The following NOS1AP variants were observed in gnomAD, a reference collection of about 807,000 sequenced individuals.
NOS1AP encodes the protein carboxyl-terminal PDZ ligand of neuronal nitric oxide synthase protein.
NOS1AP carries 21 observed loss-of-function variants against 56.2 expected under a neutral mutation model. The observed-to-expected ratio is 0.37, with a 90% confidence interval of 0.26 to 0.54. The LOEUF is 0.54. Among genes scored for constraint, NOS1AP ranks in the 20% least tolerant of loss-of-function variants. The probability of loss-of-function intolerance (pLI) is 0.84; values close to 1 mark genes in which losing one functional copy is unlikely to be tolerated. For missense variants in NOS1AP, 522 were observed against 657.8 expected, an observed-to-expected ratio of 0.79 and a Z score of 2.26; for synonymous variants, 270 against 274.6, an observed-to-expected ratio of 0.98 and a Z score of 0.17.
chr1:162,136,665 A>C (rs1018690121), intron 1 of NOS1AP, among the ~76,000 whole-genome samples: 13 of 152,122 alleles, frequency 8.5e-5, no homozygotes, highest in Non-Finnish European at 1.6e-4. Context: ...GGTACTCTCT[A>C]CCTTTCATGA....
chr1:162,271,873 T>C (rs1285041579), intron 2 of NOS1AP, among the ~76,000 whole-genome samples: 5 of 152,186 alleles, frequency 3.3e-5, no homozygotes, highest in African/African-American at 1.2e-4. Context: ...TGCTGTGTGC[T>C]TCCCTTAGTC....
intron 1 of NOS1AP, among the ~76,000 whole-genome samples, chr1:162,144,498 T>C (rs1649371004): frequency 6.6e-6 from 1 of 152,254 alleles, no homozygotes. Flanking sequence ...GTTTACCTGA[T>C]ACAGGTGATG....
chr1:162,235,890 A>G (rs138036103), intron 2 of NOS1AP, among the ~76,000 whole-genome samples: 21 of 152,338 alleles, frequency 1.4e-4, no homozygotes, highest in African/African-American at 4.8e-4. Context: ...GGATAAATCA[A>G]AGAAATATAG....
chr1:162,335,137 A>AT (rs1228894791), intron 5 of NOS1AP, among the ~76,000 whole-genome samples: 1 of 152,064 alleles, frequency 6.6e-6, no homozygotes. Context: ...TATCATGTCA[A>AT]TTTTTTTTCC....
At chr1:162,318,406 C>T (rs1571214929) in intron 4 of NOS1AP, among the ~76,000 whole-genome samples, 1 of 152,160 alleles carries the variant, frequency 6.6e-6, no homozygotes, top group Non-Finnish European at 1.5e-5. Context: ...GTCTTAGTTG[C>T]AGAATCCCTG....
In NOS1AP at chr1:162,274,944, T is replaced by C. The variant is rs113020237; in HGVS notation, c.178-12400T>C. Among the ~76,000 whole-genome samples the C allele has an allele frequency of 1.3e-3, 204 of 152,360 alleles. 1 individual carries two copies. Among genetic ancestry groups the C allele is most frequent in the African/African-American group, 4.4e-3 (184 of 41,580 alleles). ...CAGCTGTTGAGATTTGAGAGTTCTT[T>C]ATATGAATGTATTCTGGATACAAAT... On this transcript the variant is annotated intron_variant, in intron 2 of 9. Coordinates refer to ENST00000361897, the MANE Select transcript of NOS1AP (RefSeq NM_014697.3).
intron 2 of NOS1AP, among the ~76,000 whole-genome samples, chr1:162,186,916 T>C (rs1467266520): frequency 6.6e-6 from 1 of 152,178 alleles, no homozygotes; most frequent in Non-Finnish European, 1.5e-5. Flanking sequence ...AAAAATGAAA[T>C]GTTATGCATA....
intron 2 of NOS1AP, among the ~76,000 whole-genome samples, chr1:162,268,258 A>G (rs76341106): frequency 1.0e-4 from 13 of 124,298 alleles, no homozygotes; most frequent in Non-Finnish European, 2.2e-4. Flanking sequence ...TGTCTATAGG[A>G]AAAAAAAAAA....
At chr1:162,366,440 A>T (rs171137) in intron 9 of NOS1AP, among the ~76,000 whole-genome samples, 76,290 of 152,028 alleles carry the variant, frequency 0.5, 19,277 homozygotes, top group East Asian at 0.67. Flanking sequence ...CAGAGCCAAG[A>T]TTCAAACCTA....
chr1:162,089,240 T>C (rs955316296), intron 1 of NOS1AP, among the ~76,000 whole-genome samples: 2 of 152,218 alleles, frequency 1.3e-5, no homozygotes, highest in African/African-American at 2.4e-5. Context: ...TCCAATATCT[T>C]AACTACTTCT....
In NOS1AP at chr1:162,135,090, G is replaced by A. The variant is rs142488203; in HGVS notation, c.106-19315G>A. ...GTGAGTACTTCTGACTTGTATCCAA[G>A]CAAATTAGGTGTTTGCCTTTCTGTG... On this transcript the variant is annotated intron_variant, in intron 1 of 9. Transcript: ENST00000361897. 7.3e-3 allele frequency among the ~76,000 whole-genome samples: 1,105 copies of A among 152,296 alleles called. 14 individuals carry two copies. The highest frequency in any genetic ancestry group is 0.025 in the African/African-American group (1,048 of 41,572).
intron 1 of NOS1AP, among the ~76,000 whole-genome samples, chr1:162,093,507 C>T (rs552916902): frequency 2.6e-5 from 4 of 152,298 alleles, no homozygotes; most frequent in African/African-American, 9.6e-5. Context: ...TATTTTGTCT[C>T]TCTCTCAGGC....
intron 2 of NOS1AP, among the ~76,000 whole-genome samples, chr1:162,193,332 G>T (rs1336780743): frequency 6.6e-6 from 1 of 152,144 alleles, no homozygotes; most frequent in East Asian, 1.9e-4. Flanking sequence ...TGAGGTGAAG[G>T]GAGATAAGAT....
chr1:162,226,139 CA>C (rs1326372818), intron 2 of NOS1AP, among the ~76,000 whole-genome samples: 3 of 151,598 alleles, frequency 2.0e-5, no homozygotes, highest in East Asian at 3.9e-4. Flanking sequence ...ACTAAAAATA[CA>C]AAATTAGCTG....
intron 2 of NOS1AP, among the ~76,000 whole-genome samples, chr1:162,247,288 G>A (rs1653696994): frequency 6.6e-6 from 1 of 152,102 alleles, no homozygotes; most frequent in Non-Finnish European, 1.5e-5. Flanking sequence ...TCTGATCTAA[G>A]AGTATCCCAA....
At chr1:162,147,254 G>A (rs920968776) in intron 1 of NOS1AP, among the ~76,000 whole-genome samples, 3 of 151,060 alleles carry the variant, frequency 2.0e-5, no homozygotes, top group Non-Finnish European at 2.9e-5. Context: ...GAGTGAACCC[G>A]GGAGGCAGAG....
intron 1 of NOS1AP, among the ~76,000 whole-genome samples, chr1:162,145,274 G>C (rs1221209356): frequency 6.6e-6 from 1 of 151,912 alleles, no homozygotes; most frequent in African/African-American, 2.4e-5. Context: ...GGGGGGGTTG[G>C]CACTGAGGCT....
intron 5 of NOS1AP, among the ~76,000 whole-genome samples, chr1:162,339,616 A>G (rs189238036): frequency 2.6e-5 from 4 of 152,112 alleles, no homozygotes; most frequent in African/African-American, 9.7e-5. Context: ...ATTCATAAAA[A>G]CTTCTGGAAG....
At chr1:162,329,243 T>C (rs1479202153) in intron 4 of NOS1AP, among the ~76,000 whole-genome samples, 1 of 152,110 alleles carries the variant, frequency 6.6e-6, no homozygotes, top group Non-Finnish European at 1.5e-5. Flanking sequence ...TAAGAAATTT[T>C]AGGGCCAGCT....
Sources: allele counts gnomAD v4.1 joint callset (sites outside exome capture counted in the v4.1 genomes callset), GRCh38; gene constraint gnomAD v4.1.1; transcripts MANE v1.5; gene names NCBI Gene and HGNC (gene_info 2026-07-23, HGNC 2026-07-21).